Variants in NYAP2 observed in about 807,000 individuals in gnomAD.
NYAP2 encodes the protein neuronal tyrosine-phosphorylated phosphoinositide-3-kinase adapter 2.
In NYAP2, 23 loss-of-function variants were observed where a neutral mutation model predicts 50.4. The observed-to-expected ratio is 0.46, with a 90% CI of 0.33 to 0.65. The LOEUF (loss-of-function observed/expected upper bound fraction) is 0.65, where lower values mean the gene tolerates loss of function less well. Ranked by LOEUF, NYAP2 falls within the 30% of genes least tolerant of loss-of-function variation. NYAP2 has a pLI of 0.02. For missense variants in NYAP2, 885 were observed against 861.0 expected, an observed-to-expected ratio of 1.03 and a Z score of -0.35; for synonymous variants, 394 against 365.2, an observed-to-expected ratio of 1.08 and a Z score of -0.90.
At chr2:225,491,977 T>C (rs1313588722) in intron 3 of NYAP2, among the ~76,000 whole-genome samples, 1 of 152,154 alleles carries the variant, frequency 6.6e-6, no homozygotes, top group East Asian at 1.9e-4. Context: ...TGAACAGGTA[T>C]AGAAGAGGAG....
chr2:225,573,980 A>C (rs934276328), intron 4 of NYAP2, among the ~76,000 whole-genome samples: 1 of 152,190 alleles, frequency 6.6e-6, no homozygotes, highest in South Asian at 2.1e-4. Context: ...GAGGGTGGCT[A>C]TCTTGAAAGA....
At chr2:225,453,834 ATTT>A (rs766421405) in intron 3 of NYAP2, among the ~76,000 whole-genome samples, 1,383 of 126,588 alleles carry the variant, frequency 0.011, 27 homozygotes, top group African/African-American at 0.038. Context: ...CGCCCGGCTA[ATTT>A]TTTTTTTTTT....
chr2:225,435,118 T>G (rs1689355689), intron 3 of NYAP2, among the ~76,000 whole-genome samples: 1 of 152,210 alleles, frequency 6.6e-6, no homozygotes, highest in Non-Finnish European at 1.5e-5. Flanking sequence ...CATGATCTTT[T>G]GTGTGTTTTG....
chr2:225,419,324 T>A (rs1695178413), intron 3 of NYAP2, among the ~76,000 whole-genome samples: 1 of 152,236 alleles, frequency 6.6e-6, no homozygotes, highest in Non-Finnish European at 1.5e-5. Flanking sequence ...AAGACATTTC[T>A]GCAATGATGG....
At chr2:225,690,468 T>A in the NYAP2 span, among the ~76,000 whole-genome samples, 1 of 152,108 alleles carries the variant, frequency 6.6e-6, no homozygotes, top group Non-Finnish European at 1.5e-5. Context: ...TTCCAAAATA[T>A]AGTTGAAATA....
At chr2:225,443,630 A>T (rs2106142566) in intron 3 of NYAP2, among the ~76,000 whole-genome samples, 1 of 152,336 alleles carries the variant, frequency 6.6e-6, no homozygotes, top group East Asian at 1.9e-4. Flanking sequence ...AGAAAAGGAA[A>T]TATCATACAT....
At chr2:225,407,710 C>A (rs1415148165) in intron 2 of NYAP2, among the ~76,000 whole-genome samples, 1 of 151,910 alleles carries the variant, frequency 6.6e-6, no homozygotes, top group Non-Finnish European at 1.5e-5. Context: ...GAAAAACATG[C>A]AAGGGAATTG....
intron 5 of NYAP2, among the ~76,000 whole-genome samples, chr2:225,606,712 G>T (rs1048261600): frequency 3.9e-5 from 6 of 152,114 alleles, no homozygotes; most frequent in Non-Finnish European, 8.8e-5. Context: ...GCATCCAATA[G>T]ATAATTGGTC....
At chr2:225,586,468 T>A (rs546137282) in intron 5 of NYAP2, among the ~76,000 whole-genome samples, 25 of 152,294 alleles carry the variant, frequency 1.6e-4, no homozygotes, top group African/African-American at 5.8e-4. Flanking sequence ...TGGTCATTAT[T>A]AATATTTTTT....
chr2:225,689,861 C>T, the NYAP2 span, among the ~76,000 whole-genome samples: 3 of 152,170 alleles, frequency 2.0e-5, no homozygotes, highest in South Asian at 2.1e-4. Flanking sequence ...AAGTTAGGTA[C>T]ATTTTATATA....
intron 4 of NYAP2, among the ~76,000 whole-genome samples, chr2:225,520,241 T>C (rs1459904100): frequency 6.6e-6 from 1 of 152,106 alleles, no homozygotes; most frequent in African/African-American, 2.4e-5. Flanking sequence ...ACTCTGATGG[T>C]AGTTTCTTTT....
chr2:225,493,968 C>T (rs1002730714), intron 3 of NYAP2, among the ~76,000 whole-genome samples: 1 of 152,178 alleles, frequency 6.6e-6, no homozygotes, highest in Non-Finnish European at 1.5e-5. Flanking sequence ...AAGGTTCTTA[C>T]AATGACCATG....
chr2:225,494,667 A>G (rs1690469441), intron 3 of NYAP2, among the ~76,000 whole-genome samples: 1 of 152,214 alleles, frequency 6.6e-6, no homozygotes. Flanking sequence ...ATCTCAAGGT[A>G]AGGTTTGGTA....
chr2:225,664,332 G>A, the NYAP2 span, among the ~76,000 whole-genome samples: 2 of 152,164 alleles, frequency 1.3e-5, no homozygotes, highest in African/African-American at 2.4e-5. Flanking sequence ...GGCTTCTTGA[G>A]GGCTGGGAAT....
intron 3 of NYAP2, among the ~76,000 whole-genome samples, chr2:225,418,566 C>A (rs1695162354): frequency 6.6e-6 from 1 of 151,908 alleles, no homozygotes; most frequent in Non-Finnish European, 1.5e-5. Flanking sequence ...GGTGTGAAAG[C>A]AAGCAAAAAG....
intron 6 of NYAP2, among the ~76,000 whole-genome samples, chr2:225,629,174 A>G (rs1310968301): frequency 2.0e-5 from 3 of 152,184 alleles, no homozygotes; most frequent in Non-Finnish European, 4.4e-5. Context: ...TTAAGTCCCA[A>G]TCTGAGTCAA....
chr2:225,561,949 C>T (rs1691884370), intron 4 of NYAP2, among the ~76,000 whole-genome samples: 1 of 151,774 alleles, frequency 6.6e-6, no homozygotes, highest in African/African-American at 2.4e-5. Context: ...AAAAAGAAAT[C>T]ACTGAATCTG....
At chr2:225,665,509 A>G in the NYAP2 span, among the ~76,000 whole-genome samples, 3 of 151,756 alleles carry the variant, frequency 2.0e-5, no homozygotes, top group Admixed American at 6.6e-5. Context: ...GAACAGTCTC[A>G]TGAGCTGCGT....
At chr2:225,637,044 A>G (rs1693431778) in intron 6 of NYAP2, among the ~76,000 whole-genome samples, 1 of 151,926 alleles carries the variant, frequency 6.6e-6, no homozygotes, top group Non-Finnish European at 1.5e-5. Flanking sequence ...GTGTTTTGCT[A>G]TTTTTTTTCC....
Sources: allele counts gnomAD v4.1 joint callset (sites outside exome capture counted in the v4.1 genomes callset), GRCh38; gene constraint gnomAD v4.1.1; transcripts MANE v1.5; gene names NCBI Gene and HGNC (gene_info 2026-07-23, HGNC 2026-07-21).